Variants in TXNRD1 observed in about 807,000 individuals in gnomAD.
The protein encoded by TXNRD1 is thioredoxin reductase 1.
TXNRD1 carries 57 observed loss-of-function variants against 80.3 expected under a neutral mutation model. That is an observed-to-expected ratio of 0.71 (90% CI 0.57 to 0.89). TXNRD1 has a LOEUF of 0.89. TXNRD1 is among the 40% of genes least tolerant of loss of function. The pLI, the probability that TXNRD1 is intolerant of heterozygous loss-of-function variation, is 0.00. For missense variants in TXNRD1, 730 were observed against 803.0 expected (o/e 0.91, Z 1.10); for synonymous variants, 291 against 285.2 (o/e 1.02, Z -0.20).
intron 3 of TXNRD1, among the ~76,000 whole-genome samples, chr12:104,268,707 G>A (rs981752223): frequency 2.0e-5 from 3 of 151,798 alleles, no homozygotes; most frequent in African/African-American, 7.3e-5. Flanking sequence ...AGTAGAGACG[G>A]AGTTTCACCA....
chr12:104,277,916 A>C, intron 3 of TXNRD1, among the ~76,000 whole-genome samples: 1 of 142,126 alleles, frequency 7.0e-6, no homozygotes, highest in African/African-American at 2.6e-5. Context: ...TCACTCTGTC[A>C]CCCAGGCTGG....
intron 3 of TXNRD1, among the ~76,000 whole-genome samples, chr12:104,274,311 G>A (rs557387447): frequency 5.9e-5 from 9 of 152,166 alleles, no homozygotes; most frequent in Admixed American, 2.0e-4. Flanking sequence ...CAACTGTCTC[G>A]GGCTTCTGGG....
At chr12:104,257,403 C>CTTTTT (rs57917719) in intron 2 of TXNRD1, among the ~76,000 whole-genome samples, 1 of 76,978 alleles carries the variant, frequency 1.3e-5, no homozygotes, top group African/African-American at 4.9e-5. Flanking sequence ...TGTTCCAATG[C>CTTTTT]TTTTTTTTTT....
chr12:104,258,147 G>T lies in TXNRD1; in HGVS notation c.304+68G>T, dbSNP rs1455529961. 10 of 1,221,396 alleles carry T rather than the reference G, an allele frequency of 8.2e-6. No individual in the cohort carries two copies. The South Asian group carries it at 1.3e-4, about 15-fold the overall frequency. The allele number at this position is 1,221,396 out of a possible 1,614,324, so 75.7% of individuals were successfully genotyped here. On this transcript the variant is annotated intron_variant, in intron 3 of 16. Transcript: ENST00000525566. ...CATTTTATCTCATTTATTCTATCTG[G>T]CTTTAATTTGTCTTCCTTGAGGTTT...
chr12:104,316,365 G>T (rs529428085), intron 7 of TXNRD1, among the ~76,000 whole-genome samples: 1 of 152,256 alleles, frequency 6.6e-6, no homozygotes, highest in African/African-American at 2.4e-5. Flanking sequence ...ATGAGTTTAA[G>T]AGATTGGAAT....
In TXNRD1 at chr12:104,334,325, A is replaced by G; in HGVS notation, c.1739A>G (p.Lys580Arg). Residue 580 changes from lysine (K) to arginine (R), a missense_variant, in exon 15 of 17, where the codon AAA becomes AGA. Lys to Arg is a conservative substitution (Grantham distance 26). Transcript: ENST00000525566. ...KCYAKIICNT[K>R]DNERVVGFHV... ...TATGCAAAAATAATCTGTAATACTA[A>G]AGACAATGTAAGTTTAATTCTCAAT... The G allele has an allele frequency of 6.9e-7, 1 of 1,452,490 alleles. No homozygotes were observed. The highest frequency in any genetic ancestry group is 9.2e-7 in the Non-Finnish European group (1 of 1,083,442). The allele number at this position is 1,452,490 out of a possible 1,614,324, so 90.0% of individuals were successfully genotyped here.
At chr12:104,291,025 TCTTGAA>T (rs1332430069) in intron 4 of TXNRD1, 1 of 681,712 alleles carries the variant, frequency 1.5e-6, no homozygotes. Flanking sequence ...TCCAGGCTGG[TCTTGAA>T]CTCCTGGGCT....
intron 3 of TXNRD1, among the ~76,000 whole-genome samples, chr12:104,260,332 T>A (rs2033339772): frequency 6.6e-6 from 1 of 152,166 alleles, no homozygotes; most frequent in South Asian, 2.1e-4. Context: ...CCGGGCATGG[T>A]GGCTCATGCC....
intron 3 of TXNRD1, among the ~76,000 whole-genome samples, chr12:104,268,705 C>T (rs371315420): frequency 3.8e-4 from 58 of 151,666 alleles, no homozygotes; most frequent in Non-Finnish European, 5.6e-4. Context: ...TTAGTAGAGA[C>T]GGAGTTTCAC....
intron 16 of TXNRD1, among the ~76,000 whole-genome samples, chr12:104,346,574 CA>C (rs2036497360): frequency 6.6e-6 from 1 of 152,036 alleles, no homozygotes; most frequent in South Asian, 2.1e-4. Flanking sequence ...GAAAAGAAAG[CA>C]TGTTTGAATT....
chr12:104,227,437 T>C (rs1002920501), intron 1 of TXNRD1, among the ~76,000 whole-genome samples: 1 of 151,718 alleles, frequency 6.6e-6, no homozygotes, highest in African/African-American at 2.4e-5. Context: ...AACTTTTTTA[T>C]TTTTATTTTT....
intron 1 of TXNRD1, among the ~76,000 whole-genome samples, chr12:104,246,091 G>A (rs78620311): frequency 0.021 from 2,542 of 118,300 alleles, 104 homozygotes; most frequent in East Asian, 0.14. Context: ...CCAGCCTGGA[G>A]CCTGGGCGAT....
Position 104,323,586 on chromosome 12 carries a change from C to T in TXNRD1, c.1216-1751C>T, listed in dbSNP as rs1419611626. Among the ~76,000 whole-genome samples, 4 of 110,414 alleles carry T rather than the reference C, an allele frequency of 3.6e-5. 1 individual carries two copies. The highest frequency in any genetic ancestry group is 1.2e-4 in the African/African-American group (3 of 24,450). 72.4% of individuals were successfully genotyped at this position (110,414 alleles called of 152,430 possible). On this transcript the variant is annotated intron_variant, in intron 10 of 16. Transcript: ENST00000525566. ...CGGCTGGCCGGGCGGGGGGCTGACA[C>T]CCCCACCTCCCTCCCAGACGGGGCG...
intron 3 of TXNRD1, among the ~76,000 whole-genome samples, chr12:104,269,459 A>T (rs1270718339): frequency 7.5e-6 from 1 of 133,572 alleles, no homozygotes; most frequent in African/African-American, 2.9e-5. Context: ...TGCTGCAGTG[A>T]TGTAGTCATG....
At chr12:104,265,847 G>A in intron 3 of TXNRD1, 1 of 1,408,564 alleles carries the variant, frequency 7.1e-7, no homozygotes, top group Non-Finnish European at 9.8e-7. Flanking sequence ...TAGGTGCAGG[G>A]CCCTCGTCCG....
At chr12:104,215,919 C>G in intron 1 of TXNRD1, 26 bp downstream of exon 1, 1 of 1,536,288 alleles carries the variant, frequency 6.5e-7, no homozygotes, top group Non-Finnish European at 8.8e-7. Flanking sequence ...AAGGCCTGGT[C>G]CCCAGGTCGA....
At chr12:104,319,258 C>T (rs2035444816) in intron 8 of TXNRD1, among the ~76,000 whole-genome samples, 1 of 152,126 alleles carries the variant, frequency 6.6e-6, no homozygotes, top group Admixed American at 6.5e-5. Flanking sequence ...ACCAGACCGC[C>T]TGGTTTTGAG....
intron 4 of TXNRD1, among the ~76,000 whole-genome samples, chr12:104,302,651 G>A (rs994941136): frequency 6.6e-6 from 1 of 151,992 alleles, no homozygotes; most frequent in African/African-American, 2.4e-5. Flanking sequence ...CACCGCGCCC[G>A]GCTAATTTTT....
intron 1 of TXNRD1, among the ~76,000 whole-genome samples, chr12:104,222,416 A>T (rs1356763198): frequency 1.3e-5 from 2 of 152,250 alleles, no homozygotes. Flanking sequence ...CATTAATTAA[A>T]CCAATAAATG....
Sources: allele counts gnomAD v4.1 joint callset (sites outside exome capture counted in the v4.1 genomes callset), GRCh38; gene constraint gnomAD v4.1.1; transcripts MANE v1.5; gene names NCBI Gene and HGNC (gene_info 2026-07-23, HGNC 2026-07-21).